SV2C: variants seen among roughly 807,000 people sequenced by gnomAD.
SV2C encodes synaptic vesicle glycoprotein 2C.
SV2C carries 49 observed loss-of-function variants against 79.7 expected under a neutral mutation model. The observed-to-expected ratio is 0.61, with a 90% CI of 0.49 to 0.78. The LOEUF is 0.78. Ranked by LOEUF, SV2C falls within the 30% of genes least tolerant of loss-of-function variation. The pLI is 0.00. For synonymous variants in SV2C, 334 were observed against 333.2 expected, an observed-to-expected ratio of 1.00 and a Z score of -0.03; for missense variants, 833 against 912.9, an observed-to-expected ratio of 0.91 and a Z score of 1.13.
chr5:75,933,428 C>G, the SV2C span, among the ~76,000 whole-genome samples: 1 of 152,176 alleles, frequency 6.6e-6, no homozygotes, highest in Admixed American at 6.5e-5. Flanking sequence ...TTCTTGTCCC[C>G]TAGTTGATAT....
At chr5:76,026,024 T>A in the SV2C span, among the ~76,000 whole-genome samples, 5 of 152,252 alleles carry the variant, frequency 3.3e-5, no homozygotes, top group African/African-American at 1.2e-4. Context: ...ATTCTGATAA[T>A]CCCTTTATAA....
intron 12 of SV2C, among the ~76,000 whole-genome samples, chr5:76,349,416 G>A (rs1749606239): frequency 6.6e-6 from 1 of 152,094 alleles, no homozygotes; most frequent in Non-Finnish European, 1.5e-5. Flanking sequence ...GGAGGCTGAG[G>A]CAGGAGAATC....
chr5:75,888,786 G>T, the SV2C span, among the ~76,000 whole-genome samples: 1 of 152,056 alleles, frequency 6.6e-6, no homozygotes, highest in African/African-American at 2.4e-5. Context: ...GGGGTGGCCT[G>T]TTTCCGTGTT....
At chr5:76,311,539 G>T (rs879033791) in intron 12 of SV2C, 18 of 152,172 alleles carry the variant, frequency 1.2e-4, no homozygotes, top group African/African-American at 4.3e-4. Context: ...GACCTTTGAA[G>T]TTTGAGCCAT....
At chr5:76,018,769 C>G in the SV2C span, among the ~76,000 whole-genome samples, 5 of 152,132 alleles carry the variant, frequency 3.3e-5, no homozygotes, top group African/African-American at 9.7e-5. Context: ...AAGAACTCCA[C>G]GTATTTGTTC....
intron 4 of SV2C, chr5:76,241,908 T>TA (rs913738668): frequency 4.9e-5 from 33 of 672,534 alleles, no homozygotes; most frequent in African/African-American, 4.0e-4. Flanking sequence ...AACATAGCTT[T>TA]AAAAAAAATA....
chr5:75,898,302 CT>C, the SV2C span, among the ~76,000 whole-genome samples: 1 of 152,132 alleles, frequency 6.6e-6, no homozygotes, highest in East Asian at 1.9e-4. Flanking sequence ...TGTCCAAGGC[CT>C]TTTCTGCATC....
At chr5:76,016,369 C>T in the SV2C span, among the ~76,000 whole-genome samples, 5 of 151,270 alleles carry the variant, frequency 3.3e-5, no homozygotes, top group African/African-American at 1.2e-4. Context: ...CTACCTGGGT[C>T]CCAGACCAAC....
chr5:75,987,525 A>T, the SV2C span, among the ~76,000 whole-genome samples: 1 of 151,886 alleles, frequency 6.6e-6, no homozygotes, highest in African/African-American at 2.4e-5. Context: ...AGGAAAACCA[A>T]CTCTGGACTA....
the SV2C span, among the ~76,000 whole-genome samples, chr5:75,906,958 C>G: frequency 6.6e-6 from 1 of 152,170 alleles, no homozygotes; most frequent in Admixed American, 6.5e-5. Context: ...AGACAATTAT[C>G]CAGAACAAAA....
Position 76,279,311 on chromosome 5 carries a change from A to T in SV2C, c.914-5851A>T, listed in dbSNP as rs112817889. ...AAGAATGTATTTCAGAGACAGTGGC[A>T]TGCAGGTGGCACTTACAGTCTTGGA... is the stretch of plus-strand genomic sequence containing the variant. On this transcript the variant is annotated intron_variant, in intron 4 of 12. Coordinates refer to ENST00000502798, the MANE Select transcript of SV2C (RefSeq NM_014979.4). 5.8e-3 allele frequency among the ~76,000 whole-genome samples: 878 copies of T among 152,306 alleles called. 9 individuals carry two copies. The highest frequency in any genetic ancestry group is 0.02 in the African/African-American group (833 of 41,562).
chr5:76,172,420 T>TTGG (rs1554037707), intron 2 of SV2C, among the ~76,000 whole-genome samples: 2 of 6,972 alleles, frequency 2.9e-4, no homozygotes, highest in Non-Finnish European at 5.6e-4. Flanking sequence ...GGGAGGGAGG[T>TTGG]GGGGGGGGTC....
In SV2C at chr5:76,330,747, A is replaced by G. The variant is rs921722654; in HGVS notation, c.*5200A>G. 2.0e-5 allele frequency: 3 copies of G among 152,014 alleles called. No individual in the cohort carries two copies. Among genetic ancestry groups the G allele is most frequent in the Non-Finnish European group, 2.9e-5 (2 of 68,020 alleles). 9.4% of individuals were successfully genotyped at this position (152,014 alleles called of 1,614,324 possible). On this transcript the variant is annotated 3_prime_UTR_variant, in exon 13 of 13. Coordinates refer to ENST00000502798, the MANE Select transcript of SV2C (RefSeq NM_014979.4). ...GAAAATGAGAAAAATGAAACCACAC[A>G]TAAGTTGTTCCCTTAAATAATCTCA... is the stretch of plus-strand genomic sequence containing the variant.
At chr5:76,074,037 G>C in the SV2C span, among the ~76,000 whole-genome samples, 2 of 152,282 alleles carry the variant, frequency 1.3e-5, no homozygotes, top group South Asian at 2.1e-4. Context: ...AAGCACTGGG[G>C]TGGCCAAGGG....
the SV2C span, among the ~76,000 whole-genome samples, chr5:75,851,632 G>T: frequency 2.0e-5 from 3 of 151,868 alleles, no homozygotes; most frequent in African/African-American, 7.3e-5. Context: ...CTTCTGGGTG[G>T]AAACATTGGA....
At chr5:75,976,202 T>C in the SV2C span, among the ~76,000 whole-genome samples, 6 of 152,238 alleles carry the variant, frequency 3.9e-5, no homozygotes, top group African/African-American at 1.2e-4. Context: ...AGTCTGCTCA[T>C]TTCCATGCCA....
At chr5:76,342,966 C>T (rs922083120) in intron 12 of SV2C, among the ~76,000 whole-genome samples, 1 of 151,260 alleles carries the variant, frequency 6.6e-6, no homozygotes, top group African/African-American at 2.4e-5. Flanking sequence ...CCAAGCAATC[C>T]TCCTGCCTCA....
At chr5:75,916,726 T>C in the SV2C span, among the ~76,000 whole-genome samples, 1 of 152,178 alleles carries the variant, frequency 6.6e-6, no homozygotes, top group South Asian at 2.1e-4. Context: ...CCACCCATCT[T>C]GGCCTCCCAA....
the SV2C span, among the ~76,000 whole-genome samples, chr5:75,923,190 G>T: frequency 7.0e-4 from 107 of 152,270 alleles, no homozygotes; most frequent in African/African-American, 2.5e-3. Context: ...TTTAATAAAT[G>T]GTGCTGGGAA....
Sources: allele counts gnomAD v4.1 joint callset (sites outside exome capture counted in the v4.1 genomes callset), GRCh38; gene constraint gnomAD v4.1.1; transcripts MANE v1.5; gene names NCBI Gene and HGNC (gene_info 2026-07-23, HGNC 2026-07-21).